PPP1R16B: variants seen among roughly 807,000 people sequenced by gnomAD.
The protein encoded by PPP1R16B is protein phosphatase 1 regulatory inhibitor subunit 16B.
A neutral mutation model predicts 61.7 loss-of-function variants in PPP1R16B; 14 were observed. That is an observed-to-expected ratio of 0.23 (90% CI 0.15 to 0.35). The LOEUF is 0.35. Ranked by LOEUF, PPP1R16B falls within the 10% of genes least tolerant of loss-of-function variation. The pLI, the probability that PPP1R16B is intolerant of heterozygous loss-of-function variation, is 1.00. For synonymous variants in PPP1R16B, 266 were observed against 305.3 expected, an observed-to-expected ratio of 0.87 and a Z score of 1.34; for missense variants, 547 against 752.5, an observed-to-expected ratio of 0.73 and a Z score of 3.19.
intron 2 of PPP1R16B, among the ~76,000 whole-genome samples, chr20:38,842,700 C>T (rs2084915490): frequency 6.6e-6 from 1 of 151,832 alleles, no homozygotes; most frequent in Admixed American, 6.6e-5. Context: ...CCCTCCCCCA[C>T]CCCCAGGCAC....
intron 2 of PPP1R16B, among the ~76,000 whole-genome samples, chr20:38,888,635 A>G (rs1034337241): frequency 5.3e-5 from 8 of 152,030 alleles, no homozygotes; most frequent in African/African-American, 1.9e-4. Context: ...CACCCTGCCA[A>G]AGCCAGAGCT....
At chr20:38,860,447 T>C (rs918950642) in intron 2 of PPP1R16B, among the ~76,000 whole-genome samples, 6 of 152,228 alleles carry the variant, frequency 3.9e-5, no homozygotes, top group Non-Finnish European at 2.9e-5. Flanking sequence ...CATATGTTGA[T>C]TCAGATTAGC....
chr20:38,814,765 T>C (rs977942820), intron 1 of PPP1R16B, among the ~76,000 whole-genome samples: 15 of 152,220 alleles, frequency 9.9e-5, no homozygotes, highest in Non-Finnish European at 2.1e-4. Flanking sequence ...TGTGCCAGCC[T>C]GGAGAGTTCT....
At chr20:38,896,368 T>A (rs748324509) in intron 4 of PPP1R16B, among the ~76,000 whole-genome samples, 1 of 150,596 alleles carries the variant, frequency 6.6e-6, no homozygotes, top group African/African-American at 2.5e-5. Context: ...TCTCTCTTGG[T>A]GCTTGTCACT....
At chr20:38,890,194 T>C (rs1377836878) in intron 3 of PPP1R16B, among the ~76,000 whole-genome samples, 1 of 152,206 alleles carries the variant, frequency 6.6e-6, no homozygotes, top group African/African-American at 2.4e-5. Flanking sequence ...TGCTACAGCC[T>C]CGTAACTGGT....
chr20:38,884,305 C>T (rs895624093), intron 2 of PPP1R16B, among the ~76,000 whole-genome samples: 4 of 152,278 alleles, frequency 2.6e-5, no homozygotes, highest in Admixed American at 2.6e-4. Context: ...GTTATGCAAG[C>T]GTATTTGCAT....
chr20:38,901,864 G>A (rs1026045924), intron 5 of PPP1R16B, among the ~76,000 whole-genome samples: 2 of 152,208 alleles, frequency 1.3e-5, no homozygotes, highest in South Asian at 4.1e-4. Context: ...AATAGCTATA[G>A]TATCTGTTGG....
intron 1 of PPP1R16B, among the ~76,000 whole-genome samples, chr20:38,818,313 G>A (rs1269078181): frequency 6.6e-6 from 1 of 152,216 alleles, no homozygotes; most frequent in East Asian, 1.9e-4. Flanking sequence ...CAAATGGTGA[G>A]TACCACTGGG....
intron 4 of PPP1R16B, among the ~76,000 whole-genome samples, chr20:38,897,184 G>C (rs1031832447): frequency 5.9e-5 from 9 of 152,154 alleles, no homozygotes; most frequent in African/African-American, 9.7e-5. Flanking sequence ...GGATTCAGCT[G>C]GGTGTGGTGG....
chr20:38,836,162 C>T lies in PPP1R16B; in HGVS notation c.237C>T (p.Asn79=). Reference sequence around the variant, plus strand: ...CCCTGCTGGAGGCCTCGCTGAGGAACGACGCCGAGGAAGGTAGGCCCCTCT... The same window carrying T: ...CCCTGCTGGAGGCCTCGCTGAGGAATGACGCCGAGGAAGGTAGGCCCCTCT... ...SVALLEASLR[N]DAEEVRYFLK... is the part of the protein sequence containing the mutation. The change falls in exon 2 of 11, where the codon AAC becomes AAT. Residue 79 remains asparagine, a synonymous_variant. Transcript: ENST00000299824. The T allele has an allele frequency of 1.9e-6, 3 of 1,610,336 alleles. No individual in the cohort carries two copies. Among genetic ancestry groups the T allele is most frequent in the Non-Finnish European group, 1.7e-6 (2 of 1,179,260 alleles).
chr20:38,809,447 C>G (rs1021636930), intron 1 of PPP1R16B, among the ~76,000 whole-genome samples: 1 of 152,176 alleles, frequency 6.6e-6, no homozygotes, highest in African/African-American at 2.4e-5. Context: ...TCAGAGTTCT[C>G]CCTCTATGGG....
chr20:38,910,692 C>T (rs2085481807), intron 10 of PPP1R16B, among the ~76,000 whole-genome samples: 1 of 151,950 alleles, frequency 6.6e-6, no homozygotes, highest in South Asian at 2.1e-4. Context: ...CACCACCATG[C>T]CTGGCTAATT....
chr20:38,869,863 G>C (rs1181472631), intron 2 of PPP1R16B, among the ~76,000 whole-genome samples: 5 of 143,528 alleles, frequency 3.5e-5, no homozygotes, highest in African/African-American at 1.3e-4. Flanking sequence ...CCCCCATCCC[G>C]CTGCCACATA....
chr20:38,858,227 G>A (rs748544072), intron 2 of PPP1R16B, among the ~76,000 whole-genome samples: 2 of 152,154 alleles, frequency 1.3e-5, no homozygotes, highest in Non-Finnish European at 2.9e-5. Context: ...ATGAATTTGC[G>A]GGGAACACAG....
intron 5 of PPP1R16B, among the ~76,000 whole-genome samples, chr20:38,901,701 C>T (rs548472386): frequency 3.3e-5 from 5 of 152,276 alleles, no homozygotes; most frequent in East Asian, 1.9e-4. Context: ...TGAACCCCCG[C>T]GCCCAGCCAG....
chr20:38,889,785 A>G, intron 3 of PPP1R16B, 120 bp downstream of exon 3: 1 of 1,034,446 alleles, frequency 9.7e-7, no homozygotes, highest in Non-Finnish European at 1.5e-6. Context: ...AGGGAGGAGG[A>G]GCTGCAGCTG....
chr20:38,834,732 A>G (rs1229758781), intron 1 of PPP1R16B, among the ~76,000 whole-genome samples: 4 of 152,186 alleles, frequency 2.6e-5, no homozygotes, highest in Non-Finnish European at 5.9e-5. Context: ...TAAGAATAGC[A>G]TTAATTCCTT....
intron 2 of PPP1R16B, among the ~76,000 whole-genome samples, chr20:38,852,768 T>TTTTGTG: frequency 1.6e-5 from 1 of 62,336 alleles, no homozygotes; most frequent in Admixed American, 2.3e-4. Context: ...TTTTTTTTTT[T>TTTTGTG]GCGGGGGGTG....
chr20:38,866,235 G>A (rs1357342083), intron 2 of PPP1R16B, among the ~76,000 whole-genome samples: 1 of 152,194 alleles, frequency 6.6e-6, no homozygotes, highest in African/African-American at 2.4e-5. Context: ...GGCCCCTGGG[G>A]AACAGAATAG....
Sources: allele counts gnomAD v4.1 joint callset (sites outside exome capture counted in the v4.1 genomes callset), GRCh38; gene constraint gnomAD v4.1.1; transcripts MANE v1.5; gene names NCBI Gene and HGNC (gene_info 2026-07-23, HGNC 2026-07-21).